BABAM2: variants seen among roughly 807,000 people sequenced by gnomAD.
The protein encoded by BABAM2 is BRISC and BRCA1-A complex member 2.
In BABAM2, 31 loss-of-function variants were observed where a neutral mutation model predicts 54.7. The ratio of observed to expected loss-of-function variants is 0.57; its 90% CI spans 0.43 to 0.77. The LOEUF (loss-of-function observed/expected upper bound fraction) is 0.77, where lower values mean the gene tolerates loss of function less well. Ranked by LOEUF, BABAM2 falls within the 30% of genes least tolerant of loss-of-function variation. The pLI is 0.00. For missense variants in BABAM2, 364 were observed against 455.8 expected (o/e 0.80, Z 1.83); for synonymous variants, 167 against 162.9 (o/e 1.03, Z -0.19).
At chr2:27,974,334 A>G (rs1420400608) in intron 3 of BABAM2, among the ~76,000 whole-genome samples, 1 of 152,154 alleles carries the variant, frequency 6.6e-6, no homozygotes, top group African/African-American at 2.4e-5. Flanking sequence ...TTAGCAACAT[A>G]TATAAAATAC....
intron 4 of BABAM2, chr2:28,016,013 T>C (rs1423308877): frequency 4.8e-6 from 3 of 621,240 alleles, no homozygotes; most frequent in Admixed American, 4.8e-5. Flanking sequence ...TTCTTTTTCT[T>C]TTTTAAATTA....
intron 10 of BABAM2, among the ~76,000 whole-genome samples, chr2:28,250,318 CTTTTTTTTT>C (rs35545683): frequency 8.4e-6 from 1 of 118,816 alleles, no homozygotes; most frequent in South Asian, 2.8e-4. Flanking sequence ...ATTTGTTGAA[CTTTTTTTTT>C]TTTTTTTTTT....
At position 28,295,727 on chromosome 2, in the gene BABAM2, C is replaced by G. The variant is rs556262991; in HGVS notation, c.935-2611C>G. Among the ~76,000 whole-genome samples the G allele has an allele frequency of 5.9e-5, 9 of 152,200 alleles. No individual in the cohort carries two copies. The South Asian group carries it at 1.2e-3, about 21-fold the overall frequency. On this transcript the variant is annotated intron_variant, in intron 10 of 11. Coordinates refer to ENST00000379624, the MANE Select transcript of BABAM2 (RefSeq NM_199191.3). Reference sequence around the variant, plus strand: ...GGCCGGGCTGGTCTCGAACTCCTCACCTCAGGTAATCTGCCTGCCTCAGCC... The same window carrying G: ...GGCCGGGCTGGTCTCGAACTCCTCAGCTCAGGTAATCTGCCTGCCTCAGCC...
intron 10 of BABAM2, among the ~76,000 whole-genome samples, chr2:28,255,909 G>A (rs55909185): frequency 0.1 from 15,266 of 151,956 alleles, 1,108 homozygotes; most frequent in African/African-American, 0.21. Context: ...GAAGTGATCC[G>A]CCCACCATAG....
At chr2:28,109,143 G>T (rs1206286052) in intron 6 of BABAM2, among the ~76,000 whole-genome samples, 3 of 151,316 alleles carry the variant, frequency 2.0e-5, no homozygotes, top group Non-Finnish European at 4.4e-5. Flanking sequence ...CTTACACAGG[G>T]ACCATTTGGT....
chr2:27,915,672 A>G (rs906050657), intron 2 of BABAM2, among the ~76,000 whole-genome samples: 1 of 2,564 alleles, frequency 3.9e-4, no homozygotes, highest in African/African-American at 1.3e-3. Flanking sequence ...TGAAGATATA[A>G]AAAACGTTTT....
At chr2:28,203,807 C>G (rs2147963262) in intron 7 of BABAM2, among the ~76,000 whole-genome samples, 1 of 152,294 alleles carries the variant, frequency 6.6e-6, no homozygotes, top group South Asian at 2.1e-4. Context: ...ACTCTTCTTT[C>G]CATTCCCATG....
chr2:27,922,965 C>T (rs1008820968), intron 2 of BABAM2, among the ~76,000 whole-genome samples: 2 of 152,056 alleles, frequency 1.3e-5, no homozygotes, highest in African/African-American at 4.8e-5. Flanking sequence ...CTAGCTTTTT[C>T]ATACTTGTAT....
upstream of BABAM2, chr2:27,890,583 T>C: frequency 2.0e-6 from 1 of 492,432 alleles, no homozygotes; most frequent in Non-Finnish European, 3.6e-6. This position sits in a 1 kb window ranked among gnomAD's most constrained non-coding sequence, Gnocchi z 4.8. Context: ...GACTCCGCGC[T>C]CCTCGTCACT....
chr2:28,214,673 TG>T (rs1215264517), intron 7 of BABAM2, among the ~76,000 whole-genome samples: 3 of 152,106 alleles, frequency 2.0e-5, no homozygotes, highest in African/African-American at 7.2e-5. Context: ...CAATCCTAGG[TG>T]GGGAAACATT....
chr2:28,013,321 T>G (rs1335503611), intron 4 of BABAM2: 2 of 455,576 alleles, frequency 4.4e-6, no homozygotes, highest in South Asian at 3.1e-5. Flanking sequence ...GGTAGATATT[T>G]GAACATGCCC....
At chr2:28,280,506 G>C (rs1686261710) in intron 10 of BABAM2, among the ~76,000 whole-genome samples, 1 of 152,060 alleles carries the variant, frequency 6.6e-6, no homozygotes, top group Non-Finnish European at 1.5e-5. Flanking sequence ...CTCTCTTTTT[G>C]TACAAGTCTT....
At position 28,112,197 on chromosome 2, in the gene BABAM2, C is replaced by CCCTTCCTT. The variant is rs1215942914; in HGVS notation, c.571-17049_571-17042dup. 2.4e-3 allele frequency among the ~76,000 whole-genome samples: 60 copies of CCCTTCCTT among 25,492 alleles called. 5 individuals carry two copies. Among genetic ancestry groups the CCCTTCCTT allele is most frequent in the Non-Finnish European group, 3.0e-3 (43 of 14,166 alleles). The allele number at this position is 25,492 out of a possible 152,430, so 16.7% of individuals were successfully genotyped here. On this transcript the variant is annotated intron_variant, in intron 6 of 11. Transcript: ENST00000379624. ...TCCCTCCCTCCCTCCCTCCCTCCCTCCCTTCCTTCCTTCCTTCCTTCCTTC... is the reference window on the plus strand; with the variant it reads ...TCCCTCCCTCCCTCCCTCCCTCCCTCCCTTCCTTCCTTCCTTCCTTCCTTCCTTCCTTC...
At chr2:27,994,026 G>C (rs527508636) in intron 4 of BABAM2, among the ~76,000 whole-genome samples, 4 of 152,286 alleles carry the variant, frequency 2.6e-5, no homozygotes, top group Non-Finnish European at 5.9e-5. Flanking sequence ...AAGTGCCTTG[G>C]CCTACAACAT....
In BABAM2 at chr2:28,121,580, A is replaced by C. The variant is rs558995887; in HGVS notation, c.571-7691A>C. Among the ~76,000 whole-genome samples, 3 of 152,250 alleles carry C rather than the reference A, an allele frequency of 2.0e-5. No homozygotes were observed. The East Asian group carries it at 5.8e-4, about 29-fold the overall frequency. On this transcript the variant is annotated intron_variant, in intron 6 of 11. Coordinates refer to ENST00000379624, the MANE Select transcript of BABAM2 (RefSeq NM_199191.3). ...CAAGTCAAGAGCACTTTTTATCTTC[A>C]ATCTCTGTGAAGTAATGAAAGGCCA...
At chr2:28,020,064 T>G (rs1360754719) in intron 4 of BABAM2, among the ~76,000 whole-genome samples, 2 of 152,198 alleles carry the variant, frequency 1.3e-5, no homozygotes, top group African/African-American at 4.8e-5. Flanking sequence ...TGCATTAGCT[T>G]TCTGGAAATG....
intron 7 of BABAM2, among the ~76,000 whole-genome samples, chr2:28,131,553 C>T (rs1430131924): frequency 6.6e-6 from 1 of 152,108 alleles, no homozygotes; most frequent in Non-Finnish European, 1.5e-5. Flanking sequence ...AGCTTGTTTC[C>T]TCAGTCATAA....
intron 3 of BABAM2, among the ~76,000 whole-genome samples, chr2:27,978,649 T>C (rs1243722913): frequency 2.6e-5 from 4 of 152,192 alleles, no homozygotes; most frequent in African/African-American, 9.7e-5. Flanking sequence ...TTTTCAAGTT[T>C]CATTTTAGGT....
chr2:28,197,134 C>T (rs528277223), intron 7 of BABAM2, among the ~76,000 whole-genome samples: 10 of 151,916 alleles, frequency 6.6e-5, no homozygotes, highest in African/African-American at 1.9e-4. Flanking sequence ...ATTGCAGGCA[C>T]GAGCCACCAC....
Sources: allele counts gnomAD v4.1 joint callset (sites outside exome capture counted in the v4.1 genomes callset), GRCh38; gene constraint gnomAD v4.1.1; non-coding constraint Gnocchi (gnomAD v3.1); transcripts MANE v1.5; gene names NCBI Gene and HGNC (gene_info 2026-07-23, HGNC 2026-07-21).